The following PLEKHA4 variants were observed in gnomAD, a reference collection of about 807,000 sequenced individuals.
PLEKHA4 encodes pleckstrin homology domain-containing family A member 4.
Under a neutral mutation model 94.7 loss-of-function variants are expected in PLEKHA4, and 73 were observed. The observed-to-expected ratio is 0.77, with a 90% CI of 0.64 to 0.94. The LOEUF is 0.94. PLEKHA4 is among the 40% of genes least tolerant of loss of function. The probability of loss-of-function intolerance (pLI) is 0.00; values close to 1 mark genes in which losing one functional copy is unlikely to be tolerated. For missense variants in PLEKHA4, 1,049 were observed against 1,054.1 expected, an observed-to-expected ratio of 1.00 and a Z score of 0.07; for synonymous variants, 449 against 437.1, an observed-to-expected ratio of 1.03 and a Z score of -0.34.
intron 5 of PLEKHA4, among the ~76,000 whole-genome samples, chr19:48,860,887 AGGAAAGGAAAAT>A (rs967190401): frequency 3.8e-4 from 45 of 119,678 alleles, no homozygotes; most frequent in Non-Finnish European, 5.8e-4. Context: ...AGGAAAGGAA[AGGAAAGGAAAAT>A]GGAAAGGAAA....
chr19:48,838,784 AAAAAAT>A (rs1487192708), intron 18 of PLEKHA4, among the ~76,000 whole-genome samples: 3 of 150,424 alleles, frequency 2.0e-5, no homozygotes, highest in East Asian at 3.9e-4. Context: ...AAAAAAAAGT[AAAAAAT>A]AAAAATAAAA....
intron 9 of PLEKHA4, among the ~76,000 whole-genome samples, chr19:48,854,510 A>G (rs900296426): frequency 5.3e-5 from 8 of 152,118 alleles, no homozygotes; most frequent in Admixed American, 3.3e-4. Context: ...CTGGGACCAC[A>G]GGCGCACACA....
At position 48,839,187 on chromosome 19, in the gene PLEKHA4, C is replaced by T. The variant is rs753756023; in HGVS notation, c.1964+18G>A. ...ATTTTTTTTTCCTGCTCCCTTGATA[C>T]GCCCTCCAGTTCCTTACCTACTCCA... On this transcript the variant is annotated intron_variant, in intron 18 of 19. Coordinates refer to ENST00000263265, the MANE Select transcript of PLEKHA4 (RefSeq NM_020904.3). The T allele has an allele frequency of 4.5e-5, 69 of 1,548,482 alleles. No individual in the cohort carries two copies. Among genetic ancestry groups the T allele is most frequent in the South Asian group, 6.1e-5 (5 of 82,456 alleles).
In PLEKHA4 at chr19:48,845,433, C is replaced by G. The variant is rs377338823; in HGVS notation, c.1680G>C (p.Pro560=). Residue 560 remains proline, a synonymous_variant, in exon 16 of 20, where the codon CCG becomes CCC. Transcript: ENST00000263265. ...CAGGGCTGGAAGCCCGGGAGACCCTCGGAGACCCAAGACCTGGAAAGACAG... is the reference window on the plus strand; with the variant it reads ...CAGGGCTGGAAGCCCGGGAGACCCTGGGAGACCCAAGACCTGGAAAGACAG... The part of the protein sequence containing the change: ...LASPHLGLGS[P]RVSRASSPEG... 2.7e-5 allele frequency: 44 copies of G among 1,613,940 alleles called. No individual in the cohort carries two copies. The South Asian group carries it at 4.5e-4, about 17-fold the overall frequency.
At chr19:48,845,668 T>C (rs879442631) in intron 14 of PLEKHA4, 52 bp from the exon 15 acceptor site, 1 of 1,327,434 alleles carries the variant, frequency 7.5e-7, no homozygotes, top group Non-Finnish European at 1.0e-6. Flanking sequence ...TAATTATTAT[T>C]ATTACCATGT....
chr19:48,859,075 C>T lies in PLEKHA4; in HGVS notation c.757G>A (p.Ala253Thr). Residue 253 changes from alanine (A) to threonine (T), a missense_variant, in exon 8 of 20, where the codon GCG becomes ACG. By Grantham distance (58) the Ala-to-Thr change is moderately conservative (BLOSUM62 0). Coordinates refer to ENST00000263265, the MANE Select transcript of PLEKHA4 (RefSeq NM_020904.3). The part of the protein sequence containing the change: ...LSLPRPRSAP[A>T]RRPPAPSGDT... Reference sequence around the variant, plus strand: ...CCTGAGGGGGCAGGGGGTCGCCGCGCAGGGGCAGAACGGGGACGGGGGAGG... The same window carrying T: ...CCTGAGGGGGCAGGGGGTCGCCGCGTAGGGGCAGAACGGGGACGGGGGAGG... 7.4e-7 allele frequency: 1 copy of T among 1,344,796 alleles called. No homozygotes were observed. The highest frequency in any genetic ancestry group is 9.6e-7 in the Non-Finnish European group (1 of 1,038,860). The allele number at this position is 1,344,796 out of a possible 1,614,324, so 83.3% of individuals were successfully genotyped here. A position where few individuals can be genotyped will look rare whatever the true frequency, so the allele number is the denominator to read the frequency against.
intron 6 of PLEKHA4, 140 bp from the exon 7 acceptor site, chr19:48,859,824 G>A (rs1213167967): frequency 3.8e-6 from 3 of 779,716 alleles, no homozygotes; most frequent in Non-Finnish European, 4.1e-6. Flanking sequence ...TCTTCAGAAG[G>A]GGAAACTGAG....
intron 5 of PLEKHA4, 80 bp downstream of exon 5, chr19:48,861,321 G>A: frequency 2.5e-6 from 3 of 1,196,142 alleles, no homozygotes; most frequent in Non-Finnish European, 3.7e-6. Context: ...GTTAGGACTT[G>A]GAGTTTCCTC....
At chr19:48,847,435 TA>T (rs1195746212) in intron 14 of PLEKHA4, among the ~76,000 whole-genome samples, 5 of 149,842 alleles carry the variant, frequency 3.3e-5, no homozygotes, top group Non-Finnish European at 5.9e-5. Context: ...GATCCCATCT[TA>T]AAAAAAAAAT....
chr19:48,857,515 T>A lies in PLEKHA4; in HGVS notation c.973-19A>T. 1 of 1,451,298 alleles carries A rather than the reference T, an allele frequency of 6.9e-7. No homozygotes were observed. The highest frequency in any genetic ancestry group is 9.5e-7 in the Non-Finnish European group (1 of 1,049,594). 89.9% of individuals were successfully genotyped at this position (1,451,298 alleles called of 1,614,324 possible). A position where few individuals can be genotyped will look rare whatever the true frequency, so the allele number is the denominator to read the frequency against. ...AGTGTGCCTGGGAGGAACGTTGAAA[T>A]GGAGATGTTTAGAAACTGGCATGTC... On this transcript the variant is annotated intron_variant, in intron 8 of 19. Transcript: ENST00000263265.
rs762222132 is a variant in PLEKHA4 at position 48,837,430 on chromosome 19, C to T, written c.2199G>A (p.Gly733=). The T allele has an allele frequency of 1.1e-5, 17 of 1,613,358 alleles. No individual in the cohort carries two copies. The highest frequency in any genetic ancestry group is 1.4e-5 in the Non-Finnish European group (17 of 1,179,700). The stretch of plus-strand genomic sequence containing the variant: ...CACGCCCACTCCCTCGGCGAGAGAA[C>T]CCCGTGGAACCCGAATTAGCCACCG... ...SPPVANSGST[G]FSRRGSGRGG... The change falls in exon 20 of 20, where the codon GGG becomes GGA. Residue 733 remains glycine, a synonymous_variant. Coordinates refer to ENST00000263265, the MANE Select transcript of PLEKHA4 (RefSeq NM_020904.3). The surrounding 1 kb of genome is among the most constrained non-coding windows in gnomAD (Gnocchi z 4.3).
intron 3 of PLEKHA4, among the ~76,000 whole-genome samples, chr19:48,864,469 G>A (rs530520903): frequency 6.6e-6 from 1 of 152,170 alleles, no homozygotes; most frequent in East Asian, 1.9e-4. Context: ...TGCTCAGCCA[G>A]CTCAAATGTC....
chr19:48,847,749 A>G (rs1317593817), intron 14 of PLEKHA4, 151 bp downstream of exon 14: 9 of 935,772 alleles, frequency 9.6e-6, no homozygotes, highest in Non-Finnish European at 1.3e-5. Context: ...CCCCCGAAAA[A>G]AAAGAAAACA....
In PLEKHA4 at chr19:48,860,461, T is replaced by G; in HGVS notation, c.367-2A>C. 1 of 1,612,422 alleles carries G rather than the reference T, an allele frequency of 6.2e-7. No homozygotes were observed. The highest frequency in any genetic ancestry group is 8.5e-7 in the Non-Finnish European group (1 of 1,178,594). The stretch of plus-strand genomic sequence containing the variant: ...GGTCCTCATGCCCGGGTGCTCTGCC[T>G]GCGGGAAGAGAAGGCTTGGAATCCG... On this transcript the variant is annotated splice_acceptor_variant, in intron 5 of 19. Coordinates refer to ENST00000263265, the MANE Select transcript of PLEKHA4 (RefSeq NM_020904.3). LOFTEE classifies it high-confidence loss of function.
At chr19:48,853,237 A>G (rs934408633) in intron 12 of PLEKHA4, among the ~76,000 whole-genome samples, 1 of 152,110 alleles carries the variant, frequency 6.6e-6, no homozygotes, top group East Asian at 1.9e-4. Flanking sequence ...AATAATTCTC[A>G]GAGTTACTTA....
At chr19:48,848,940 C>T (rs2036079687) in intron 13 of PLEKHA4, among the ~76,000 whole-genome samples, 1 of 152,142 alleles carries the variant, frequency 6.6e-6, no homozygotes, top group Non-Finnish European at 1.5e-5. Context: ...CCCTCTGTCA[C>T]CCAGGCTGGC....
intron 13 of PLEKHA4, among the ~76,000 whole-genome samples, chr19:48,850,231 C>A (rs1161131452): frequency 6.6e-6 from 1 of 150,712 alleles, no homozygotes; most frequent in Non-Finnish European, 1.5e-5. Context: ...GGCGGCCAGG[C>A]GCCGTGACTC....
chr19:48,848,122 A>G, intron 13 of PLEKHA4, 82 bp from the exon 14 acceptor site: 24 of 1,395,668 alleles, frequency 1.7e-5, no homozygotes, highest in Non-Finnish European at 2.3e-5. Flanking sequence ...CAAAGGTCTG[A>G]AATCAGCTGG....
chr19:48,862,335 G>T (rs1364345474), intron 3 of PLEKHA4, among the ~76,000 whole-genome samples: 1 of 150,980 alleles, frequency 6.6e-6, no homozygotes, highest in African/African-American at 2.4e-5. Context: ...CGAGTAACTG[G>T]GATTACAGGC....
Sources: allele counts gnomAD v4.1 joint callset (sites outside exome capture counted in the v4.1 genomes callset), GRCh38; gene constraint gnomAD v4.1.1; non-coding constraint Gnocchi (gnomAD v3.1); transcripts MANE v1.5; gene names NCBI Gene and HGNC (gene_info 2026-07-23, HGNC 2026-07-21).